CEP72: variants seen among roughly 807,000 people sequenced by gnomAD.
The protein encoded by CEP72 is centrosomal protein of 72 kDa.
CEP72 carries 78 observed loss-of-function variants against 65.7 expected under a neutral mutation model. The ratio of observed to expected loss-of-function variants is 1.19; its 90% CI spans 0.99 to 1.43. The LOEUF is 1.43. Among genes scored for constraint, CEP72 ranks in the 40% most tolerant of loss-of-function variants. CEP72 has a pLI of 0.00. For missense variants in CEP72, 914 were observed against 832.9 expected, an observed-to-expected ratio of 1.10 and a Z score of -1.20; for synonymous variants, 358 against 351.7, an observed-to-expected ratio of 1.02 and a Z score of -0.20.
chr5:626,312 C>T lies in CEP72; in HGVS notation c.512+1733C>T, dbSNP rs1736755087. Among the ~76,000 whole-genome samples the T allele has an allele frequency of 2.6e-5, 4 of 152,334 alleles. No individual in the cohort carries two copies. The South Asian group carries it at 8.3e-4, about 32-fold the overall frequency. On this transcript the variant is annotated intron_variant, in intron 4 of 11. Transcript: ENST00000264935. ...GGAGCATCCTAGCCTCACCTCCTGT[C>T]TTGGTGGGAGAGCATCTGGTTTCCA...
At chr5:666,860 C>G (rs951605312) in intron 4 of CEP72, 4 of 152,214 alleles carry the variant, frequency 2.6e-5, no homozygotes, top group Non-Finnish European at 5.9e-5. Flanking sequence ...TCTCCTCTGA[C>G]CAGATCTACC....
At chr5:666,039 G>A in exon 4 of CEP72, 1 of 1,611,386 alleles carries the variant, frequency 6.2e-7, no homozygotes, top group South Asian at 1.1e-5. Flanking sequence ...CCTCCTCGCT[G>A]CTCTTGTCTT....
In CEP72 at chr5:624,158, G is replaced by A. The variant is rs1259434502; in HGVS notation, c.404-313G>A. Among the ~76,000 whole-genome samples the A allele has an allele frequency of 6.6e-6, 1 of 152,242 alleles. No individual in the cohort carries two copies. Among genetic ancestry groups the A allele is most frequent in the Non-Finnish European group, 1.5e-5 (1 of 68,048 alleles). ...GGAGGCTTCTCTGGGTTACCTGAGT[G>A]TGACTTGAGAATCCCACCCCGCACC... On this transcript the variant is annotated intron_variant, in intron 3 of 11. Transcript: ENST00000264935. This position sits in a 1 kb window ranked among gnomAD's most constrained non-coding sequence, Gnocchi z 4.7.
At chr5:628,980 C>T (rs1340774541) in intron 4 of CEP72, among the ~76,000 whole-genome samples, 1 of 147,754 alleles carries the variant, frequency 6.8e-6, no homozygotes, top group Non-Finnish European at 1.5e-5. Flanking sequence ...GTTCCCAGGA[C>T]CCAGCCCCCT....
At chr5:637,262 C>G (rs1737671381) in intron 6 of CEP72, among the ~76,000 whole-genome samples, 1 of 152,240 alleles carries the variant, frequency 6.6e-6, no homozygotes, top group South Asian at 2.1e-4. Flanking sequence ...CAGACTCCCC[C>G]AGAGTTTGCG....
downstream of CEP72, among the ~76,000 whole-genome samples, chr5:671,967 A>C (rs1740239108): frequency 6.6e-6 from 1 of 152,152 alleles, no homozygotes; most frequent in Non-Finnish European, 1.5e-5. Flanking sequence ...AGGGAAGCTG[A>C]CACCTGCTTT....
chr5:658,227 T>C (rs1293302267), downstream of CEP72, among the ~76,000 whole-genome samples: 1 of 152,230 alleles, frequency 6.6e-6, no homozygotes, highest in Non-Finnish European at 1.5e-5. Context: ...GCTCTGGAGC[T>C]GAGGACACAC....
At chr5:672,946 C>G in the CEP72 span, among the ~76,000 whole-genome samples, 1 of 152,224 alleles carries the variant, frequency 6.6e-6, no homozygotes, top group Non-Finnish European at 1.5e-5. Context: ...AACAAAGGCT[C>G]GCAGATACCC....
the CEP72 span, among the ~76,000 whole-genome samples, chr5:675,666 G>T: frequency 6.6e-6 from 1 of 151,960 alleles, no homozygotes; most frequent in African/African-American, 2.4e-5. Context: ...CGAGGGCTGA[G>T]CCCCAGCCCT....
At chr5:641,352 C>A in intron 9 of CEP72, 1 of 985,424 alleles carries the variant, frequency 1.0e-6, no homozygotes, top group Non-Finnish European at 1.2e-6. Flanking sequence ...AGGGCAGAGC[C>A]ACGTGAGGAT....
Position 651,361 on chromosome 5 carries a change from A to G in CEP72, c.1779-1627A>G, listed in dbSNP as rs556452846. ...TGTGACTGTGAGGTGTGACTGAGGC[A>G]TGGACTGTGAGTTGTGAATGTGAGG... On this transcript the variant is annotated intron_variant, in intron 11 of 11. Coordinates refer to ENST00000264935, the MANE Select transcript of CEP72 (RefSeq NM_018140.4). Among the ~76,000 whole-genome samples, 1,131 of 139,520 alleles carry G rather than the reference A, an allele frequency of 8.1e-3. 16 individuals carry two copies. The highest frequency in any genetic ancestry group is 0.013 in the Non-Finnish European group (844 of 64,328). 91.5% of individuals were successfully genotyped at this position (139,520 alleles called of 152,430 possible).
At chr5:639,719 C>T (rs771421767) in intron 8 of CEP72, among the ~76,000 whole-genome samples, 2 of 152,232 alleles carry the variant, frequency 1.3e-5, no homozygotes, top group Non-Finnish European at 2.9e-5. Context: ...ACACTGGGGC[C>T]TCCCTCATCC....
chr5:675,536 G>GCTGC, the CEP72 span, among the ~76,000 whole-genome samples: 1 of 130,022 alleles, frequency 7.7e-6, no homozygotes, highest in African/African-American at 2.7e-5. Flanking sequence ...TGTGGCCGGG[G>GCTGC]ATGCCGTGTG....
At chr5:613,653 C>G (rs111373752) in intron 1 of CEP72, among the ~76,000 whole-genome samples, 5,871 of 152,296 alleles carry the variant, frequency 0.039, 349 homozygotes, top group African/African-American at 0.13. Context: ...AGGCATGAGC[C>G]ACCTACACCC....
chr5:619,836 T>C (rs368328106), intron 2 of CEP72, among the ~76,000 whole-genome samples: 15 of 152,324 alleles, frequency 9.8e-5, no homozygotes, highest in African/African-American at 2.6e-4. Flanking sequence ...TCGGTAGATA[T>C]TAGCTGTGCT....
chr5:667,785 C>G (rs917701850), downstream of CEP72, among the ~76,000 whole-genome samples: 7 of 151,726 alleles, frequency 4.6e-5, 1 homozygote, highest in Admixed American at 3.9e-4. Flanking sequence ...GACAAGCACA[C>G]GGAGAGGGGT....
At position 644,424 on chromosome 5, in the gene CEP72, T is replaced by C; in HGVS notation, c.1665T>C (p.Ala555=). Residue 555 remains alanine, a splice_region_variant and synonymous_variant, in exon 10 of 12, where the codon GCT becomes GCC. Coordinates refer to ENST00000264935, the MANE Select transcript of CEP72 (RefSeq NM_018140.4). ...DTAATLNLQI[A]GLQTSVKRLC... is the part of the protein sequence containing the mutation. ...CAGCCACGTTAAATTTGCAGATCGC[T>C]GGTAAGTTGATCGTGTATTTGGTCA... 6.2e-7 allele frequency: 1 copy of C among 1,613,628 alleles called. No individual in the cohort carries two copies. Among genetic ancestry groups the C allele is most frequent in the Non-Finnish European group, 8.5e-7 (1 of 1,179,834 alleles).
chr5:635,508 G>A lies in CEP72; in HGVS notation c.828G>A (p.Glu276=). 6.2e-7 allele frequency: 1 copy of A among 1,614,144 alleles called. No homozygotes were observed. Among genetic ancestry groups the A allele is most frequent in the Non-Finnish European group, 8.5e-7 (1 of 1,180,036 alleles). The change falls in exon 6 of 12, where the codon GAG becomes GAA. Residue 276 remains glutamate (E), a synonymous_variant. Transcript: ENST00000264935. Reference sequence around the variant, plus strand: ...TGCCTTGGAGCCAGCTCTGTGGAGAGCTTCCGCCACTGTACGGAGCGGAGC... The same window carrying A: ...TGCCTTGGAGCCAGCTCTGTGGAGAACTTCCGCCACTGTACGGAGCGGAGC... The part of the protein sequence containing the change: ...EKMPWSQLCG[E]LPPLYGAEPE...
intron 6 of CEP72, 87 bp downstream of exon 6, chr5:635,671 G>A: frequency 8.8e-7 from 1 of 1,135,264 alleles, no homozygotes; most frequent in African/African-American, 1.5e-5. Flanking sequence ...AGCTTATGTG[G>A]CTCATGGTTC....
Sources: allele counts gnomAD v4.1 joint callset (sites outside exome capture counted in the v4.1 genomes callset), GRCh38; gene constraint gnomAD v4.1.1; non-coding constraint Gnocchi (gnomAD v3.1); transcripts MANE v1.5; gene names NCBI Gene and HGNC (gene_info 2026-07-23, HGNC 2026-07-21).